Variants in DMD observed in about 807,000 individuals in gnomAD.
The protein encoded by DMD is mutant dystrophin.
DMD carries 63 observed loss-of-function variants against 330.1 expected under a neutral mutation model. The ratio of observed to expected loss-of-function variants is 0.19; its 90% CI spans 0.16 to 0.24. The LOEUF is 0.24. Ranked by LOEUF, DMD falls within the 10% of genes least tolerant of loss-of-function variation. The probability of loss-of-function intolerance (pLI) is 1.00; values close to 1 mark genes in which losing one functional copy is unlikely to be tolerated. For missense variants in DMD, 3,344 were observed against 2,684.1 expected (o/e 1.25, Z -5.43); for synonymous variants, 1,223 against 959.8 (o/e 1.27, Z -5.07).
intron 13 of DMD, among the ~76,000 whole-genome samples, chrX:32,590,943 A>C (rs1480625545): frequency 9.0e-6 from 1 of 111,684 alleles, no homozygotes; most frequent in Non-Finnish European, 1.9e-5. Context: ...CTATCCATCC[A>C]TCCATCCATC....
chrX:33,275,573 T>C (rs1240032152), intron 1 of DMD, among the ~76,000 whole-genome samples: 1 of 111,632 alleles, frequency 9.0e-6, no homozygotes, highest in African/African-American at 3.3e-5. Flanking sequence ...ACACCTGAGG[T>C]ACGTGTAATT....
intron 50 of DMD, among the ~76,000 whole-genome samples, chrX:31,796,099 G>A (rs1011287015): frequency 5.4e-5 from 6 of 111,937 alleles, no homozygotes; most frequent in Non-Finnish European, 1.1e-4. Context: ...TATCCTAGAA[G>A]AGAAAGAGAA....
intron 47 of DMD, among the ~76,000 whole-genome samples, chrX:31,925,871 CAAA>C (rs1234308714): frequency 9.7e-5 from 4 of 41,266 alleles, no homozygotes; most frequent in Non-Finnish European, 1.9e-4. Context: ...AACTCTGTCT[CAAA>C]AAAAAAAAAA....
chrX:32,142,090 C>G (rs1045635453), intron 44 of DMD, among the ~76,000 whole-genome samples: 1 of 110,897 alleles, frequency 9.0e-6, no homozygotes, highest in Admixed American at 9.6e-5. Context: ...AGGAGCTGAG[C>G]TATAGAATAA....
At chrX:31,796,350 A>T (rs2091831204) in intron 50 of DMD, among the ~76,000 whole-genome samples, 1 of 112,609 alleles carries the variant, frequency 8.9e-6, no homozygotes, top group Admixed American at 9.4e-5. Context: ...GCTTAATATT[A>T]AGGAATAAAG....
intron 44 of DMD, among the ~76,000 whole-genome samples, chrX:32,189,261 A>G (rs191195751): frequency 1.3e-3 from 137 of 109,145 alleles, no homozygotes; most frequent in Non-Finnish European, 1.3e-3. Context: ...CTTTTGACTT[A>G]TTTCATGAGC....
intron 1 of DMD, among the ~76,000 whole-genome samples, chrX:33,043,813 T>C (rs2094339190): frequency 9.2e-6 from 1 of 108,969 alleles, no homozygotes; most frequent in Non-Finnish European, 1.9e-5. Flanking sequence ...TAGGTATATC[T>C]CCTAATGCTA....
chrX:31,602,231 T>C (rs1190068437), intron 55 of DMD, among the ~76,000 whole-genome samples: 5 of 111,074 alleles, frequency 4.5e-5, no homozygotes, highest in African/African-American at 1.6e-4. Context: ...CTATCTTTTC[T>C]AGATATCACC....
chrX:32,324,487 T>C (rs1469586395), intron 41 of DMD, among the ~76,000 whole-genome samples: 1 of 110,332 alleles, frequency 9.1e-6, no homozygotes, highest in African/African-American at 3.3e-5. Context: ...TTTTAAAAAG[T>C]GAAAGTCAAA....
chrX:32,679,901 A>ATTTTTTTTTTTT (rs1569447513), intron 9 of DMD, among the ~76,000 whole-genome samples: 2 of 30,950 alleles, frequency 6.5e-5, no homozygotes, highest in African/African-American at 2.6e-4. Flanking sequence ...TAATATTTGT[A>ATTTTTTTTTTTT]CTTTTTTTTT....
intron 2 of DMD, among the ~76,000 whole-genome samples, chrX:32,952,131 TTTTG>T (rs1328065231): frequency 2.7e-5 from 3 of 109,596 alleles, no homozygotes; most frequent in East Asian, 2.8e-4. Context: ...CAGCTTCTTT[TTTTG>T]TTTGTTTTTT....
intron 67 of DMD, among the ~76,000 whole-genome samples, chrX:31,190,860 C>A (rs781335456): frequency 9.0e-6 from 1 of 111,270 alleles, no homozygotes; most frequent in African/African-American, 3.3e-5. Context: ...ACAGACTTCC[C>A]TGAGAGTCCT....
Position 32,740,499 on chromosome X carries a change from AAGG to A in DMD, c.650-41209_650-41207del, listed in dbSNP as rs201283599. ...ATAAGAGAGGAGAAAGAACAGAGAG[AAGG>A]AGAAGTTAATGACCACCAACATATT... is the stretch of plus-strand genomic sequence containing the variant. On this transcript the variant is annotated intron_variant, in intron 7 of 78. Coordinates refer to ENST00000357033, the MANE Select transcript of DMD (RefSeq NM_004006.3). Among the ~76,000 whole-genome samples the A allele has an allele frequency of 6.6e-3, 737 of 111,185 alleles. 8 individuals carry two copies. Among genetic ancestry groups the A allele is most frequent in the African/African-American group, 0.023 (708 of 30,615 alleles).
At chrX:32,763,283 ATAT>A (rs894025899) in intron 7 of DMD, among the ~76,000 whole-genome samples, 5 of 112,189 alleles carry the variant, frequency 4.5e-5, no homozygotes, top group South Asian at 3.6e-4. Flanking sequence ...ATGTTATTAA[ATAT>A]TATCTCAGGA....
At chrX:31,793,633 T>C (rs1443837075) in intron 50 of DMD, among the ~76,000 whole-genome samples, 1 of 112,198 alleles carries the variant, frequency 8.9e-6, no homozygotes, top group East Asian at 2.8e-4. Flanking sequence ...AAGCCTATTT[T>C]ATTAAAGGTG....
intron 52 of DMD, among the ~76,000 whole-genome samples, chrX:31,706,522 T>C (rs1450773622): frequency 9.2e-6 from 1 of 109,189 alleles, no homozygotes; most frequent in Non-Finnish European, 1.9e-5. Context: ...AAACCACTCC[T>C]CTCCTCTCTT....
chrX:32,537,346 T>C (rs988279075), intron 17 of DMD, among the ~76,000 whole-genome samples: 1 of 111,386 alleles, frequency 9.0e-6, no homozygotes, highest in African/African-American at 3.3e-5. Flanking sequence ...TTATAAATGA[T>C]ATTTCCCCAA....
intron 2 of DMD, among the ~76,000 whole-genome samples, chrX:32,912,595 C>T (rs1326897952): frequency 8.9e-6 from 1 of 112,007 alleles, no homozygotes. Flanking sequence ...CATAATGCTG[C>T]AGTCACAGAC....
At chrX:32,752,854 C>T (rs1188101153) in intron 7 of DMD, among the ~76,000 whole-genome samples, 1 of 110,442 alleles carries the variant, frequency 9.1e-6, no homozygotes, top group Admixed American at 9.8e-5. Flanking sequence ...CCTGCACAAG[C>T]TTTCTTTGCC....
Sources: gnomAD v4.1 joint callset for allele counts (sites outside exome capture counted in the v4.1 genomes callset) on GRCh38, gnomAD v4.1.1 for gene constraint, MANE v1.5 for transcripts, NCBI Gene and HGNC (gene_info 2026-07-23, HGNC 2026-07-21) for gene names.